The following MGAT4C variants were observed in gnomAD, a reference collection of about 807,000 sequenced individuals.
The protein encoded by MGAT4C is alpha-1,3-mannosyl-glycoprotein 4-beta-N-acetylglucosaminyltransferase C.
In MGAT4C, 19 loss-of-function variants were observed where a neutral mutation model predicts 40.1. The ratio of observed to expected loss-of-function variants is 0.47; its 90% CI spans 0.33 to 0.70. The LOEUF (loss-of-function observed/expected upper bound fraction) is 0.70, where lower values mean the gene tolerates loss of function less well. Ranked by LOEUF, MGAT4C falls within the 30% of genes least tolerant of loss-of-function variation. The pLI is 0.02. For missense variants in MGAT4C, 491 were observed against 563.2 expected (o/e 0.87, Z 1.30); for synonymous variants, 181 against 187.1 (o/e 0.97, Z 0.27).
intron 1 of MGAT4C, among the ~76,000 whole-genome samples, chr12:86,752,063 T>A (rs901552499): frequency 4.6e-5 from 7 of 152,014 alleles, no homozygotes; most frequent in Admixed American, 3.3e-4. Flanking sequence ...AATATAATAA[T>A]GATGTATCAC....
At chr12:86,132,362 CTCTT>C in intron 1 of MGAT4C, among the ~76,000 whole-genome samples, 1 of 145,648 alleles carries the variant, frequency 6.9e-6, no homozygotes, top group Admixed American at 6.7e-5. Context: ...TTAGACGATT[CTCTT>C]TTTTTTTGCC....
Position 85,980,066 on chromosome 12 carries a change from A to C in MGAT4C, c.660T>G (p.Tyr220Ter), listed in dbSNP as rs372911876. 2 of 1,613,784 alleles carry C rather than the reference A, an allele frequency of 1.2e-6. No individual in the cohort carries two copies. The highest frequency in any genetic ancestry group is 8.5e-7 in the Non-Finnish European group (1 of 1,179,848). The change falls in exon 5 of 5, where the codon TAT (tyrosine) becomes TAG (stop). Residue 220 changes from tyrosine (Y) to a stop codon, truncating the protein, a stop_gained. Transcript: ENST00000611864. LOFTEE classifies it high-confidence loss of function. The stretch of plus-strand genomic sequence containing the variant: ...ATCGAACATCATCTTCAAGCATTAC[A>C]TAATAGTCTGAAGTATTGGCACAAA... ...LNFCANTSDY[Y>*]VMLEDDVRCS...
At chr12:86,656,681 G>T (rs955256684) in intron 2 of MGAT4C, among the ~76,000 whole-genome samples, 3 of 151,932 alleles carry the variant, frequency 2.0e-5, no homozygotes, top group Non-Finnish European at 4.4e-5. Flanking sequence ...AAAATGCTTC[G>T]TGAGCTGGAA....
chr12:86,719,505 T>C (rs1426542313), intron 2 of MGAT4C, among the ~76,000 whole-genome samples: 1 of 152,202 alleles, frequency 6.6e-6, no homozygotes, highest in East Asian at 1.9e-4. Context: ...CACTGATTCA[T>C]AGCAATTCTG....
chr12:86,788,172 T>C lies in MGAT4C; in HGVS notation c.-262+50494A>G, dbSNP rs1056791765. Among the ~76,000 whole-genome samples, 4 of 151,186 alleles carry C rather than the reference T, an allele frequency of 2.6e-5. 1 individual carries two copies. The highest frequency in any genetic ancestry group is 9.7e-5 in the African/African-American group (4 of 41,246). ...ATATACATATACACATATATATGTA[T>C]TATATAGGATATATATATGTAATAC... On this transcript the variant is annotated intron_variant, in intron 1 of 7. Transcript: ENST00000548651.
intron 1 of MGAT4C, among the ~76,000 whole-genome samples, chr12:86,774,467 A>G (rs1951718543): frequency 6.7e-6 from 1 of 150,208 alleles, no homozygotes; most frequent in Non-Finnish European, 1.5e-5. Context: ...ACATAGATGA[A>G]AGGAAATCAG....
chr12:86,166,925 T>C (rs1180156814), intron 1 of MGAT4C, among the ~76,000 whole-genome samples: 1 of 152,204 alleles, frequency 6.6e-6, no homozygotes, highest in Non-Finnish European at 1.5e-5. Context: ...TAAACTTATA[T>C]TTGGCAAGTA....
Position 86,547,302 on chromosome 12 carries a change from T to C in MGAT4C, c.-228-112037A>G, listed in dbSNP as rs535280771. On this transcript the variant is annotated intron_variant, in intron 2 of 7. Transcript: ENST00000548651. Reference sequence around the variant, plus strand: ...TCCTCTTCTTCTCCCCTTGTTTTCTTTCCTCCCCCCTTCCTCTTCCTGCTC... The same window carrying C: ...TCCTCTTCTTCTCCCCTTGTTTTCTCTCCTCCCCCCTTCCTCTTCCTGCTC... Among the ~76,000 whole-genome samples the C allele has an allele frequency of 3.9e-5, 6 of 152,190 alleles. No individual in the cohort carries two copies. In the South Asian group the frequency reaches 1.2e-3, roughly 32 times the overall value.
At chr12:86,119,888 T>G in intron 1 of MGAT4C, among the ~76,000 whole-genome samples, 1 of 151,878 alleles carries the variant, frequency 6.6e-6, no homozygotes, top group East Asian at 1.9e-4. Context: ...TATATTAAAG[T>G]GAATAAAACT....
intron 1 of MGAT4C, among the ~76,000 whole-genome samples, chr12:86,804,842 T>C (rs1952317452): frequency 6.6e-6 from 1 of 150,990 alleles, no homozygotes; most frequent in Non-Finnish European, 1.5e-5. Context: ...CAATGTTTAC[T>C]TCTTTAGAAA....
chr12:86,698,333 T>A (rs1013746438), intron 2 of MGAT4C, among the ~76,000 whole-genome samples: 12 of 152,146 alleles, frequency 7.9e-5, no homozygotes, highest in South Asian at 2.1e-4. Flanking sequence ...TGAAAATTTT[T>A]TAAAAAATTG....
chr12:86,136,176 C>T (rs1881921396), intron 1 of MGAT4C, among the ~76,000 whole-genome samples: 2 of 152,090 alleles, frequency 1.3e-5, no homozygotes, highest in Non-Finnish European at 2.9e-5. Context: ...ATAGATCAGT[C>T]ATCCATTAAT....
At chr12:86,537,779 T>C (rs1320303452) in intron 2 of MGAT4C, among the ~76,000 whole-genome samples, 4 of 152,168 alleles carry the variant, frequency 2.6e-5, no homozygotes, top group Non-Finnish European at 4.4e-5. Flanking sequence ...AAGGTGAACA[T>C]TGGTTGATAC....
chr12:86,001,307 C>T (rs575833400), intron 2 of MGAT4C, among the ~76,000 whole-genome samples: 21 of 152,306 alleles, frequency 1.4e-4, no homozygotes, highest in African/African-American at 4.3e-4. Context: ...GCATTGAGAA[C>T]AATCTCTTTC....
chr12:86,028,301 G>T, intron 2 of MGAT4C: 5 of 543,442 alleles, frequency 9.2e-6, no homozygotes, highest in Non-Finnish European at 1.5e-5. Context: ...CCAACACCAT[G>T]CCCTTTGTCT....
At chr12:86,521,222 A>C (rs1305909709) in intron 2 of MGAT4C, among the ~76,000 whole-genome samples, 1 of 152,170 alleles carries the variant, frequency 6.6e-6, no homozygotes, top group East Asian at 1.9e-4. Flanking sequence ...TTAAGTCTTT[A>C]ATCCATCCTG....
At chr12:86,731,849 G>T (rs911616369) in intron 1 of MGAT4C, among the ~76,000 whole-genome samples, 1 of 152,062 alleles carries the variant, frequency 6.6e-6, no homozygotes, top group Non-Finnish European at 1.5e-5. Context: ...AATTCAGGCT[G>T]CAATCCAACA....
At chr12:86,394,806 G>T in intron 3 of MGAT4C, among the ~76,000 whole-genome samples, 1 of 151,110 alleles carries the variant, frequency 6.6e-6, no homozygotes, top group African/African-American at 2.4e-5. Flanking sequence ...AGTAGAGATG[G>T]ACTCTCACCA....
At chr12:86,635,350 TA>T (rs930571268) in intron 2 of MGAT4C, among the ~76,000 whole-genome samples, 1 of 152,100 alleles carries the variant, frequency 6.6e-6, no homozygotes, top group African/African-American at 2.4e-5. Flanking sequence ...AGTGAGGGCA[TA>T]AATTCCAGCT....
Sources: allele counts gnomAD v4.1 joint callset (sites outside exome capture counted in the v4.1 genomes callset), GRCh38; gene constraint gnomAD v4.1.1; transcripts MANE v1.5; gene names NCBI Gene and HGNC (gene_info 2026-07-23, HGNC 2026-07-21).